CD86: variants seen among roughly 807,000 people sequenced by gnomAD.
CD86 encodes the protein T-lymphocyte activation antigen CD86.
CD86 carries 11 observed loss-of-function variants against 32.1 expected under a neutral mutation model. The ratio of observed to expected loss-of-function variants is 0.34; its 90% CI spans 0.22 to 0.57. The LOEUF is 0.57. Ranked by LOEUF, CD86 falls within the 20% of genes least tolerant of loss-of-function variation. CD86 has a pLI of 0.86. For synonymous variants in CD86, 137 were observed against 135.3 expected (o/e 1.01, Z -0.09); for missense variants, 359 against 398.4 (o/e 0.90, Z 0.84).
chr3:122,117,721 T>A (rs900588511), intron 5 of CD86, among the ~76,000 whole-genome samples: 1 of 152,234 alleles, frequency 6.6e-6, no homozygotes, highest in Middle Eastern at 3.2e-3. Context: ...TAGAAACTCT[T>A]CCAATCACAA....
At chr3:122,096,751 C>T (rs2072914212) in intron 2 of CD86, among the ~76,000 whole-genome samples, 2 of 152,210 alleles carry the variant, frequency 1.3e-5, no homozygotes, top group African/African-American at 4.8e-5. Context: ...ATTGAACTCA[C>T]GCTGTCCAGA....
At chr3:122,079,064 G>A (rs1215671898) in intron 1 of CD86, among the ~76,000 whole-genome samples, 3 of 152,156 alleles carry the variant, frequency 2.0e-5, no homozygotes, top group East Asian at 3.8e-4. Context: ...GACTTAACAG[G>A]TAGCATAAAA....
At chr3:122,113,199 T>C (rs949175896) in intron 5 of CD86, among the ~76,000 whole-genome samples, 3 of 152,258 alleles carry the variant, frequency 2.0e-5, no homozygotes, top group African/African-American at 7.2e-5. Flanking sequence ...TTTTTATGGC[T>C]GAGTAATATT....
At chr3:122,096,674 A>T (rs1283731066) in intron 2 of CD86, among the ~76,000 whole-genome samples, 1 of 152,172 alleles carries the variant, frequency 6.6e-6, no homozygotes. Context: ...TTGCAAGAGG[A>T]AACTGAGACA....
intron 3 of CD86, 93 bp from the exon 4 acceptor site, chr3:122,106,105 T>C (rs2073087405): frequency 1.0e-6 from 1 of 954,676 alleles, no homozygotes; most frequent in Non-Finnish European, 1.5e-6. Flanking sequence ...TGTGCCCCAA[T>C]GAGCCCCAGA....
chr3:122,106,926 G>T (rs2073101838), intron 4 of CD86, among the ~76,000 whole-genome samples: 1 of 150,400 alleles, frequency 6.6e-6, no homozygotes, highest in South Asian at 2.1e-4. Context: ...GAACCATTTG[G>T]GACATTATTG....
intron 1 of CD86, among the ~76,000 whole-genome samples, chr3:122,087,658 T>C (rs1231309611): frequency 6.6e-6 from 1 of 152,162 alleles, no homozygotes; most frequent in East Asian, 1.9e-4. Flanking sequence ...TTTTCTAGGA[T>C]GGTGTGTGGT....
intron 2 of CD86, among the ~76,000 whole-genome samples, chr3:122,101,686 T>C (rs1190375283): frequency 6.6e-6 from 1 of 151,852 alleles, no homozygotes; most frequent in Non-Finnish European, 1.5e-5. Flanking sequence ...AGGTCATCTG[T>C]CCTATATTAC....
rs764788632 is a variant in CD86 at position 122,118,175 on chromosome 3, AT to A, written c.893+83del. On this transcript the variant is annotated intron_variant, in intron 6 of 6. Coordinates refer to ENST00000330540, the MANE Select transcript of CD86 (RefSeq NM_175862.5). ...TTACTTGAATAGGCTTATGCCTAAC[AT>A]ATGTTGAGACCTCAGCAAACCTGAA... 458 of 1,171,728 alleles carry A rather than the reference AT, an allele frequency of 3.9e-4. 2 individuals are homozygous for A. Among genetic ancestry groups the A allele is most frequent in the Non-Finnish European group, 5.2e-4 (410 of 782,804 alleles). 72.6% of individuals were successfully genotyped at this position (1,171,728 alleles called of 1,614,324 possible).
chr3:122,078,511 G>C (rs537078529), intron 1 of CD86, among the ~76,000 whole-genome samples: 4 of 152,194 alleles, frequency 2.6e-5, no homozygotes, highest in Non-Finnish European at 5.9e-5. Flanking sequence ...TTTCCTGTTT[G>C]ACCTTTCCCT....
rs148745559 is a variant in CD86, at chr3:122,101,230, T to C, written c.65-2282T>C. Among the ~76,000 whole-genome samples the C allele has an allele frequency of 3.6e-4, 54 of 152,112 alleles. 2 individuals are homozygous for C. In the East Asian group the frequency reaches 0.01, roughly 29 times the overall value. On this transcript the variant is annotated intron_variant, in intron 2 of 6. Transcript: ENST00000330540. ...TTCTCTACAACAGCTGCTCAAACTATAGCTCTTGTTAAAATGGAGGTTCTG... is the reference window on the plus strand; with the variant it reads ...TTCTCTACAACAGCTGCTCAAACTACAGCTCTTGTTAAAATGGAGGTTCTG...
chr3:122,108,895 G>C (rs549703359), intron 4 of CD86, among the ~76,000 whole-genome samples: 135 of 152,322 alleles, frequency 8.9e-4, no homozygotes, highest in Admixed American at 1.9e-3. Flanking sequence ...TGACTGCAGA[G>C]GGGGGCAGGA....
chr3:122,109,832 A>G (rs1447715274), intron 5 of CD86, among the ~76,000 whole-genome samples: 5 of 152,234 alleles, frequency 3.3e-5, no homozygotes, highest in Non-Finnish European at 7.3e-5. Context: ...AAAAAAATCT[A>G]GGTTTCTTAT....
chr3:122,090,423 C>A (rs1043572555), intron 1 of CD86, among the ~76,000 whole-genome samples: 1 of 152,202 alleles, frequency 6.6e-6, no homozygotes, highest in Non-Finnish European at 1.5e-5. Flanking sequence ...GTGGACAGAC[C>A]TGTGAATTAA....
At chr3:122,115,695 G>A (rs1469999074) in intron 5 of CD86, among the ~76,000 whole-genome samples, 6 of 135,832 alleles carry the variant, frequency 4.4e-5, no homozygotes, top group African/African-American at 8.4e-5. Context: ...AGCTGAGATC[G>A]TGCCATTGCA....
chr3:122,115,740 CAAAAAAA>C (rs769868417), intron 5 of CD86, among the ~76,000 whole-genome samples: 11 of 27,538 alleles, frequency 4.0e-4, no homozygotes, highest in Admixed American at 6.0e-4. Flanking sequence ...AACTCCCTCT[CAAAAAAA>C]AAAAAAAAAA....
Position 122,103,644 on chromosome 3 carries a change from A to G in CD86, c.197A>G (p.Asn66Ser). ...CAGGACCAGGAAAACTTGGTTCTGA[A>G]TGAGGTATACTTAGGCAAAGAGAAA... is the stretch of plus-strand genomic sequence containing the variant. ...FWQDQENLVL[N>S]EVYLGKEKFD... The change falls in exon 3 of 7, where the codon AAT (asparagine) becomes AGT (serine). Residue 66 changes from asparagine to serine, a missense_variant. Coordinates refer to ENST00000330540, the MANE Select transcript of CD86 (RefSeq NM_175862.5). 6 of 1,614,076 alleles carry G rather than the reference A, an allele frequency of 3.7e-6. No homozygotes were observed. Among genetic ancestry groups the G allele is most frequent in the Non-Finnish European group, 5.1e-6 (6 of 1,179,926 alleles).
chr3:122,071,494 T>G (rs2107507502), intron 1 of CD86, among the ~76,000 whole-genome samples: 1 of 152,306 alleles, frequency 6.6e-6, no homozygotes, highest in Non-Finnish European at 1.5e-5. Context: ...AATATTCCAT[T>G]GTCTGGATAT....
At chr3:122,089,982 T>TG (rs1304072034) in intron 1 of CD86, among the ~76,000 whole-genome samples, 3 of 152,190 alleles carry the variant, frequency 2.0e-5, no homozygotes, top group Non-Finnish European at 4.4e-5. Flanking sequence ...TATGGGTCAA[T>TG]GTTTTTGTTT....
Sources: gnomAD v4.1 joint callset for allele counts (sites outside exome capture counted in the v4.1 genomes callset) on GRCh38, gnomAD v4.1.1 for gene constraint, MANE v1.5 for transcripts, NCBI Gene and HGNC (gene_info 2026-07-23, HGNC 2026-07-21) for gene names.